The following IMMP2L variants were observed in gnomAD, a reference collection of about 807,000 sequenced individuals.
IMMP2L encodes inner mitochondrial membrane peptidase subunit 2.
A neutral mutation model predicts 19.3 loss-of-function variants in IMMP2L; 18 were observed. The ratio of observed to expected loss-of-function variants is 0.93; its 90% CI spans 0.64 to 1.38. The LOEUF is 1.38. IMMP2L is among the 40% of genes most tolerant of loss of function. The pLI is 0.00. For missense variants in IMMP2L, 233 were observed against 218.2 expected (o/e 1.07, Z -0.43); for synonymous variants, 76 against 73.0 (o/e 1.04, Z -0.21).
chr7:110,858,201 A>T (rs547621041), intron 5 of IMMP2L, among the ~76,000 whole-genome samples: 40 of 152,066 alleles, frequency 2.6e-4, no homozygotes, highest in Non-Finnish European at 5.3e-4. Flanking sequence ...ATCTCAAATA[A>T]CAATTACAGT....
At chr7:111,540,953 C>A (rs1585602892) in intron 1 of IMMP2L, among the ~76,000 whole-genome samples, 1 of 152,126 alleles carries the variant, frequency 6.6e-6, no homozygotes, top group Non-Finnish European at 1.5e-5. Context: ...TACTACCTCT[C>A]CATGCATGCG....
chr7:111,239,983 G>C (rs181619549), intron 3 of IMMP2L, among the ~76,000 whole-genome samples: 2 of 152,020 alleles, frequency 1.3e-5, no homozygotes, highest in Admixed American at 6.6e-5. Flanking sequence ...GAATAAGGTA[G>C]AAATAGATGC....
intron 3 of IMMP2L, among the ~76,000 whole-genome samples, chr7:111,141,610 T>C (rs575498373): frequency 3.9e-5 from 6 of 152,274 alleles, no homozygotes; most frequent in African/African-American, 1.2e-4. Flanking sequence ...TCCCATCCTC[T>C]GTATCATTGT....
At chr7:111,320,801 C>A (rs568662353) in intron 3 of IMMP2L, among the ~76,000 whole-genome samples, 1 of 152,072 alleles carries the variant, frequency 6.6e-6, no homozygotes, top group African/African-American at 2.4e-5. Context: ...TCTGTGTGCT[C>A]TGAAAGCACC....
At chr7:110,746,664 A>G (rs537995021) in intron 5 of IMMP2L, among the ~76,000 whole-genome samples, 6 of 152,360 alleles carry the variant, frequency 3.9e-5, no homozygotes, top group Non-Finnish European at 8.8e-5. Context: ...TGGGTACATA[A>G]CAAAATGAAG....
intron 2 of IMMP2L, among the ~76,000 whole-genome samples, chr7:111,507,877 C>T (rs915526575): frequency 1.3e-5 from 2 of 152,090 alleles, no homozygotes; most frequent in African/African-American, 4.8e-5. Flanking sequence ...CCAAAATCTC[C>T]GTCATCAGGA....
At chr7:110,782,955 T>C (rs1799836454) in intron 5 of IMMP2L, among the ~76,000 whole-genome samples, 1 of 151,832 alleles carries the variant, frequency 6.6e-6, no homozygotes, top group Non-Finnish European at 1.5e-5. Flanking sequence ...AATAATGAAG[T>C]AAATAAATTT....
chr7:111,437,446 CA>C (rs1037728677), intron 3 of IMMP2L, among the ~76,000 whole-genome samples: 1 of 151,386 alleles, frequency 6.6e-6, no homozygotes, highest in Non-Finnish European at 1.5e-5. Flanking sequence ...AACTACATCT[CA>C]AAAAAAATAA....
intron 5 of IMMP2L, among the ~76,000 whole-genome samples, chr7:110,688,629 G>A (rs1392641360): frequency 2.0e-5 from 3 of 151,898 alleles, no homozygotes; most frequent in African/African-American, 7.3e-5. Flanking sequence ...AATGTATTCT[G>A]GCAATGTCCA....
At chr7:111,535,602 GACACAGTTATTT>G (rs1847817145) in intron 1 of IMMP2L, among the ~76,000 whole-genome samples, 1 of 151,994 alleles carries the variant, frequency 6.6e-6, no homozygotes, top group South Asian at 2.1e-4. Flanking sequence ...TTAACTTTAG[GACACAGTTATTT>G]AATTATACCC....
chr7:111,165,386 T>G (rs1805709083), intron 3 of IMMP2L, among the ~76,000 whole-genome samples: 1 of 152,138 alleles, frequency 6.6e-6, no homozygotes, highest in Admixed American at 6.6e-5. Context: ...TAAATGTGAG[T>G]ATATAAATAT....
intron 3 of IMMP2L, among the ~76,000 whole-genome samples, chr7:111,240,109 A>C (rs778171100): frequency 6.6e-5 from 10 of 152,026 alleles, no homozygotes; most frequent in Admixed American, 1.3e-4. Context: ...TTTTAGTAGC[A>C]GCTCTTAAGG....
At chr7:111,160,586 T>G (rs1468254667) in intron 3 of IMMP2L, among the ~76,000 whole-genome samples, 3 of 151,914 alleles carry the variant, frequency 2.0e-5, no homozygotes, top group Non-Finnish European at 4.4e-5. Context: ...GTTTAATGAC[T>G]TAAATTTTTA....
At chr7:111,504,728 T>G (rs1844691644) in intron 2 of IMMP2L, among the ~76,000 whole-genome samples, 1 of 152,190 alleles carries the variant, frequency 6.6e-6, no homozygotes, top group Non-Finnish European at 1.5e-5. Flanking sequence ...GGGAAAGGAT[T>G]TCCTATTTAA....
At chr7:111,117,748 A>G (rs1800061470) in intron 3 of IMMP2L, among the ~76,000 whole-genome samples, 1 of 152,118 alleles carries the variant, frequency 6.6e-6, no homozygotes, top group Admixed American at 6.5e-5. Flanking sequence ...AGTTCTTTAT[A>G]CAAATGAACT....
intron 3 of IMMP2L, among the ~76,000 whole-genome samples, chr7:111,130,253 G>T (rs1430607447): frequency 6.6e-6 from 1 of 152,088 alleles, no homozygotes; most frequent in Non-Finnish European, 1.5e-5. Context: ...ATTCAAATAA[G>T]TGATAAATTC....
intron 3 of IMMP2L, chr7:111,124,611 T>C (rs1335104820): frequency 1.9e-5 from 30 of 1,613,774 alleles, no homozygotes; most frequent in African/African-American, 2.7e-5. Flanking sequence ...CCACCAAAGG[T>C]TTGCACCCTG....
At chr7:111,117,005 A>C (rs1799955112) in intron 3 of IMMP2L, among the ~76,000 whole-genome samples, 1 of 152,180 alleles carries the variant, frequency 6.6e-6, no homozygotes, top group Admixed American at 6.5e-5. Flanking sequence ...AGTCTGCCTT[A>C]ATTTAATGAT....
At chr7:111,076,475 G>A (rs1449615447) in intron 3 of IMMP2L, among the ~76,000 whole-genome samples, 1 of 152,188 alleles carries the variant, frequency 6.6e-6, no homozygotes, top group East Asian at 1.9e-4. Context: ...GAGCCTGATA[G>A]TTCTTTGTAG....
Sources: allele counts gnomAD v4.1 joint callset (sites outside exome capture counted in the v4.1 genomes callset), GRCh38; gene constraint gnomAD v4.1.1; transcripts MANE v1.5; gene names NCBI Gene and HGNC (gene_info 2026-07-23, HGNC 2026-07-21).